TONSL: variants seen among roughly 807,000 people sequenced by gnomAD.
TONSL encodes tonsoku like, DNA repair protein.
A neutral mutation model predicts 147.1 loss-of-function variants in TONSL; 112 were observed. The observed-to-expected ratio is 0.76, with a 90% CI of 0.65 to 0.89. The LOEUF (loss-of-function observed/expected upper bound fraction) is 0.89. TONSL is among the 40% of genes least tolerant of loss of function. The probability of loss-of-function intolerance (pLI) is 0.00; values close to 1 mark genes in which losing one functional copy is unlikely to be tolerated. For synonymous variants in TONSL, 868 were observed against 801.5 expected (o/e 1.08, Z -1.40); for missense variants, 1,883 against 1,864.6 (o/e 1.01, Z -0.18).
rs746878554 is a variant in TONSL at position 144,440,063 on chromosome 8, T to A, written c.1438A>T (p.Ser480Cys). 3.2e-6 allele frequency: 5 copies of A among 1,568,398 alleles called. No individual in the cohort carries two copies. In the East Asian group the frequency reaches 1.1e-4, roughly 35 times the overall value. Residue 480 changes from serine (S) to cysteine (C), a missense_variant, in exon 11 of 26, where the codon AGC (serine) becomes TGC (cysteine). Coordinates refer to ENST00000409379, the MANE Select transcript of TONSL (RefSeq NM_013432.5). ...EAEEAAATAE[S>C]EALEAGEVEL... The stretch of plus-strand genomic sequence containing the variant: ...ACCTCGCCGGCCTCCAGGGCTTCGC[T>A]CTCCGCTGTGGCTGCCGCCTCCTCC...
intron 18 of TONSL, 22 bp downstream of exon 18, chr8:144,435,452 G>A: frequency 6.5e-7 from 1 of 1,528,984 alleles, no homozygotes; most frequent in Non-Finnish European, 8.8e-7. Context: ...TGGGCTGCGG[G>A]GTAGGGCAGG....
At chr8:144,439,711 C>A (rs1404884384) in intron 11 of TONSL, 8 of 423,594 alleles carry the variant, frequency 1.9e-5, no homozygotes, top group Non-Finnish European at 3.4e-5. Flanking sequence ...CTTGCAGAGG[C>A]AGCCGGGGCT....
Position 144,436,895 on chromosome 8 carries a change from G to T in TONSL, c.1752C>A (p.His584Gln). Residue 584 changes from histidine (H) to glutamine (Q), a missense_variant, in exon 15 of 26, where the codon CAC becomes CAA. Transcript: ENST00000409379. ...CACCTGGGTCGTCCACTGCGGCCCC[G>T]TGGTCCAGCAGGAAGCGGACAATTT... is the stretch of plus-strand genomic sequence containing the variant. ...HLEIVRFLLD[H>Q]GAAVDDPGGQ... 6.2e-7 allele frequency: 1 copy of T among 1,608,646 alleles called. No individual in the cohort carries two copies. Among genetic ancestry groups the T allele is most frequent in the Middle Eastern group, 1.7e-4 (1 of 6,060 alleles).
intron 23 of TONSL, among the ~76,000 whole-genome samples, chr8:144,431,814 G>C (rs1823207323): frequency 7.1e-6 from 1 of 140,370 alleles, no homozygotes; most frequent in Non-Finnish European, 1.5e-5. Context: ...CGCCCAGCCT[G>C]TTTTTTTCTT....
intron 3 of TONSL, among the ~76,000 whole-genome samples, chr8:144,443,561 CG>C (rs144873244): frequency 0.075 from 11,383 of 152,230 alleles, 1,438 homozygotes; most frequent in African/African-American, 0.26. Context: ...TGGGAGTTGG[CG>C]GGGGGGTTGC....
intron 25 of TONSL, among the ~76,000 whole-genome samples, chr8:144,429,971 T>C (rs1475808126): frequency 2.0e-5 from 3 of 152,142 alleles, no homozygotes; most frequent in Non-Finnish European, 4.4e-5. Flanking sequence ...ACTGCCCTGA[T>C]GTGGCTCAAG....
Position 144,434,726 on chromosome 8 carries a change from C to G in TONSL, c.3085+85G>C, listed in dbSNP as rs530670663. 1.5e-5 allele frequency: 22 copies of G among 1,485,544 alleles called. No homozygotes were observed. The East Asian group carries it at 4.5e-4, about 30-fold the overall frequency. 92.0% of individuals were successfully genotyped at this position (1,485,544 alleles called of 1,614,324 possible). On this transcript the variant is annotated intron_variant, in intron 20 of 25. Transcript: ENST00000409379. ...GGTGCACCCCAAAACACCCGAGGCC[C>G]AGGAATGAACCGGGCTGGTGGAGCC...
At chr8:144,439,834 A>G in intron 11 of TONSL, 187 bp downstream of exon 11, 1 of 555,134 alleles carries the variant, frequency 1.8e-6, no homozygotes, top group Admixed American at 3.6e-5. Flanking sequence ...CCAGGAGGCC[A>G]AGGCCGCCCC....
rs546704493 is a variant in TONSL at position 144,434,889 on chromosome 8, C to T, written c.3007G>A (p.Val1003Met). ...TCCCACGAAGTCACCTCAGCCAACACCTGGAAGGCACCGTCATGAGCCACC... is the reference window on the plus strand; with the variant it reads ...TCCCACGAAGTCACCTCAGCCAACATCTGGAAGGCACCGTCATGAGCCACC... ...IPDVLQSNDEVLAEVTSWDLP... is the reference protein window; with the variant it reads ...IPDVLQSNDEMLAEVTSWDLP... The change falls in exon 20 of 26, where the codon GTG becomes ATG. Residue 1003 changes from valine to methionine, a missense_variant and splice_region_variant. Transcript: ENST00000409379. The T allele has an allele frequency of 6.2e-5, 100 of 1,613,360 alleles. No homozygotes were observed. The highest frequency in any genetic ancestry group is 8.1e-5 in the Non-Finnish European group (95 of 1,179,944).
chr8:144,443,499 A>G (rs1172954096), intron 3 of TONSL, among the ~76,000 whole-genome samples, 178 bp from the exon 4 acceptor site: 2 of 152,228 alleles, frequency 1.3e-5, no homozygotes, highest in Non-Finnish European at 2.9e-5. Context: ...CTCTGTGGTG[A>G]CAGTGGCTTC....
intron 22 of TONSL, chr8:144,433,335 C>CA (rs1342106973): frequency 5.1e-6 from 2 of 393,946 alleles, no homozygotes; most frequent in Non-Finnish European, 9.2e-6. Flanking sequence ...CTTGGCCTCC[C>CA]AAAGTGCTGG....
At chr8:144,435,324 C>T (rs1469698177) in intron 18 of TONSL, 150 bp downstream of exon 18, 2 of 1,243,078 alleles carry the variant, frequency 1.6e-6, no homozygotes, top group Non-Finnish European at 2.2e-6. Flanking sequence ...CAGCACACCA[C>T]CAGCCCCTCT....
At position 144,441,032 on chromosome 8, in the gene TONSL, C is replaced by T. The variant is rs1823696992; in HGVS notation, c.945G>A (p.Glu315=). The part of the protein sequence containing the change: ...RDPQGAMVIC[E]QLGDLFSKAG... ...CCTTGGAGAAGAGGTCCCCTAGCTGCTCACAGATGACCATGGCACCCTGAG... is the reference window on the plus strand; with the variant it reads ...CCTTGGAGAAGAGGTCCCCTAGCTGTTCACAGATGACCATGGCACCCTGAG... Residue 315 remains glutamate (E), a synonymous_variant, in exon 8 of 26, where the codon GAG becomes GAA. Transcript: ENST00000409379. 2 of 1,613,130 alleles carry T rather than the reference C, an allele frequency of 1.2e-6. No individual in the cohort carries two copies. The highest frequency in any genetic ancestry group is 1.7e-6 in the Non-Finnish European group (2 of 1,180,008).
intron 3 of TONSL, 56 bp downstream of exon 3, chr8:144,443,826 A>C: frequency 2.6e-6 from 4 of 1,534,324 alleles, no homozygotes; most frequent in Non-Finnish European, 3.5e-6. Flanking sequence ...CTCCCTCCTC[A>C]GAAAAGGGCT....
At position 144,435,865 on chromosome 8, in the gene TONSL, G is replaced by A; in HGVS notation, c.2568C>T (p.Asn856=). 6.2e-7 allele frequency: 1 copy of A among 1,604,360 alleles called. No individual in the cohort carries two copies. Among genetic ancestry groups the A allele is most frequent in the East Asian group, 2.3e-5 (1 of 44,442 alleles). Residue 856 remains asparagine (N), a synonymous_variant, in exon 17 of 26, where the codon AAC becomes AAT. Coordinates refer to ENST00000409379, the MANE Select transcript of TONSL (RefSeq NM_013432.5). ...RRPRPRGTGD[N]RRPSSTSGSD... ...ACCCAGAGGTACTACTGGGCCTGCG[G>A]TTGTCTCCAGTGCCCCGGGGGCGGG...
rs779089129 is a variant in TONSL at position 144,435,835 on chromosome 8, G to A, written c.2598C>T (p.Asp866=). 3.1e-6 allele frequency: 5 copies of A among 1,612,400 alleles called. No homozygotes were observed. The highest frequency in any genetic ancestry group is 4.2e-6 in the Non-Finnish European group (5 of 1,179,572). ...GGGCACGGGGCCTGCTCTCCTCACTGTCCGACCCAGAGGTACTACTGGGCC... is the reference window on the plus strand; with the variant it reads ...GGGCACGGGGCCTGCTCTCCTCACTATCCGACCCAGAGGTACTACTGGGCC... ...NRRPSSTSGS[D]SEESRPRARA... The change falls in exon 17 of 26, where the codon GAC becomes GAT. Residue 866 remains aspartate (D), a synonymous_variant. Coordinates refer to ENST00000409379, the MANE Select transcript of TONSL (RefSeq NM_013432.5).
At chr8:144,431,016 A>G in intron 24 of TONSL, 62 bp downstream of exon 24, 2 of 1,574,660 alleles carry the variant, frequency 1.3e-6, no homozygotes, top group Admixed American at 1.7e-5. Flanking sequence ...CCCTTCTCCC[A>G]TAGGGTCCAG....
intron 1 of TONSL, 54 bp from the exon 2 acceptor site, chr8:144,444,329 C>G: frequency 7.5e-7 from 1 of 1,326,472 alleles, no homozygotes. Context: ...GGGCCGGGGC[C>G]GAGTCCCAAG....
intron 9 of TONSL, 111 bp downstream of exon 9, chr8:144,440,607 G>A (rs1823675606): frequency 6.5e-7 from 1 of 1,532,104 alleles, no homozygotes; most frequent in South Asian, 1.2e-5. Flanking sequence ...ATGGTCCTAG[G>A]AAGGAGCTGC....
Sources: gnomAD v4.1 joint callset for allele counts (sites outside exome capture counted in the v4.1 genomes callset) on GRCh38, gnomAD v4.1.1 for gene constraint, MANE v1.5 for transcripts, NCBI Gene and HGNC (gene_info 2026-07-23, HGNC 2026-07-21) for gene names.